MCM9: variants seen among roughly 807,000 people sequenced by gnomAD.
The protein encoded by MCM9 is DNA helicase MCM9.
Under a neutral mutation model 72.8 loss-of-function variants are expected in MCM9, and 55 were observed. The ratio of observed to expected loss-of-function variants is 0.76; its 90% CI spans 0.61 to 0.95. The LOEUF (loss-of-function observed/expected upper bound fraction) is 0.95, where lower values mean the gene tolerates loss of function less well. Ranked by LOEUF, MCM9 falls within the 40% of genes least tolerant of loss-of-function variation. The pLI is 0.00. For missense variants in MCM9, 1,279 were observed against 1,377.0 expected (o/e 0.93, Z 1.13); for synonymous variants, 480 against 503.4 (o/e 0.95, Z 0.62).
intron 10 of MCM9, among the ~76,000 whole-genome samples, chr6:118,828,586 T>C (rs1324127043): frequency 1.3e-5 from 2 of 152,052 alleles, no homozygotes; most frequent in African/African-American, 4.8e-5. Context: ...GGTTTCATCA[T>C]GCTGGCTAGG....
At chr6:118,826,407 G>A (rs570948423) in intron 12 of MCM9, 115 bp from the exon 13 acceptor site, 10 of 1,061,932 alleles carry the variant, frequency 9.4e-6, no homozygotes, top group Non-Finnish European at 1.3e-5. Flanking sequence ...CCCCTATACT[G>A]GGTATGAAAA....
chr6:118,912,288 G>C (rs1449868588), intron 7 of MCM9: 1 of 152,122 alleles, frequency 6.6e-6, no homozygotes, highest in Non-Finnish European at 1.5e-5. Context: ...AAGTATTAGG[G>C]ATTTTACAAG....
At chr6:118,884,062 G>A (rs1283515370) in intron 8 of MCM9, among the ~76,000 whole-genome samples, 1 of 152,152 alleles carries the variant, frequency 6.6e-6, no homozygotes, top group Non-Finnish European at 1.5e-5. Context: ...AAGAATGCAG[G>A]TGGAAAGAAA....
intron 8 of MCM9, among the ~76,000 whole-genome samples, chr6:118,874,146 T>A (rs1412356358): frequency 6.6e-6 from 1 of 152,056 alleles, no homozygotes; most frequent in East Asian, 1.9e-4. Context: ...TCCTAGCTAC[T>A]CAGGAGGCTG....
chr6:118,855,475 T>A (rs36197273), intron 9 of MCM9, among the ~76,000 whole-genome samples: 2 of 151,986 alleles, frequency 1.3e-5, no homozygotes, highest in East Asian at 1.9e-4. Context: ...GGTCTAATAG[T>A]TCTTTCTTGT....
At chr6:118,915,415 G>GA (rs1780858816) in intron 6 of MCM9, among the ~76,000 whole-genome samples, 1 of 152,152 alleles carries the variant, frequency 6.6e-6, no homozygotes, top group Non-Finnish European at 1.5e-5. Context: ...ATAAGTCAGT[G>GA]ACCCCCAAAG....
chr6:118,827,863 C>T, intron 11 of MCM9, 64 bp downstream of exon 11: 2 of 1,448,232 alleles, frequency 1.4e-6, no homozygotes. Flanking sequence ...TCCATGGTGC[C>T]AAGCCCCATG....
At chr6:118,933,435 G>A (rs903272458) in intron 1 of MCM9, among the ~76,000 whole-genome samples, 2 of 151,752 alleles carry the variant, frequency 1.3e-5, no homozygotes, top group Non-Finnish European at 2.9e-5. Flanking sequence ...GAACCCGGGA[G>A]GCGGAGCTTG....
At chr6:118,829,497 C>T (rs1441768827) in intron 9 of MCM9, among the ~76,000 whole-genome samples, 1 of 152,212 alleles carries the variant, frequency 6.6e-6, no homozygotes, top group Non-Finnish European at 1.5e-5. Context: ...GAGGAGACCC[C>T]TTTGCTAAGT....
At chr6:118,925,176 C>A (rs1583689615) in intron 3 of MCM9, among the ~76,000 whole-genome samples, 1 of 152,130 alleles carries the variant, frequency 6.6e-6, no homozygotes, top group Non-Finnish European at 1.5e-5. Flanking sequence ...GGCTACAATG[C>A]ACCATTGGGG....
intron 8 of MCM9, among the ~76,000 whole-genome samples, chr6:118,867,676 G>A (rs1360565994): frequency 2.0e-5 from 3 of 152,070 alleles, no homozygotes; most frequent in Non-Finnish European, 4.4e-5. Context: ...ATACCATGTA[G>A]ACTAGGTGTA....
At chr6:118,909,032 A>T (rs1416458549) in intron 8 of MCM9, 5 of 152,394 alleles carry the variant, frequency 3.3e-5, no homozygotes, top group Non-Finnish European at 7.3e-5. Flanking sequence ...AATATTGTCC[A>T]TTAACTAGTT....
At chr6:118,870,422 GT>G (rs36144679) in intron 8 of MCM9, among the ~76,000 whole-genome samples, 118,762 of 150,790 alleles carry the variant, frequency 0.79, 46,847 homozygotes, top group South Asian at 0.83. Context: ...AAATTAATGG[GT>G]TTTTTTTTTT....
At chr6:118,862,826 A>G (rs1192754822) in intron 8 of MCM9, among the ~76,000 whole-genome samples, 1 of 152,132 alleles carries the variant, frequency 6.6e-6, no homozygotes, top group African/African-American at 2.4e-5. Context: ...GCAAGCAAGA[A>G]GACAGTAAAG....
At chr6:118,888,012 T>A (rs1044588030) in intron 8 of MCM9, among the ~76,000 whole-genome samples, 2 of 152,098 alleles carry the variant, frequency 1.3e-5, no homozygotes, top group African/African-American at 4.8e-5. Flanking sequence ...ATAGGGCCAA[T>A]AAGCATATGA....
At chr6:118,911,267 C>T in intron 8 of MCM9, 1 of 990,338 alleles carries the variant, frequency 1.0e-6, no homozygotes, top group Non-Finnish European at 1.2e-6. Context: ...GATTTATGAG[C>T]ATGAAAATGC....
chr6:118,859,606 G>A (rs1386808417), intron 8 of MCM9, among the ~76,000 whole-genome samples: 1 of 152,138 alleles, frequency 6.6e-6, no homozygotes, highest in African/African-American at 2.4e-5. Flanking sequence ...ATTGCTAATG[G>A]CTCACAGTGG....
chr6:118,917,610 T>C lies in MCM9; in HGVS notation c.855A>G (p.Gln285=), dbSNP rs764167719. The change falls in exon 6 of 14, where the codon CAA becomes CAG. Residue 285 remains glutamine (Q), a synonymous_variant. Transcript: ENST00000619706. ...ATTCCCAAAAATCTTCGAATTCCTTTTGGACCTCCTCATCCATGATGATCC... is the reference window on the plus strand; with the variant it reads ...ATTCCCAAAAATCTTCGAATTCCTTCTGGACCTCCTCATCCATGATGATCC... ...SSGIIMDEEV[Q]KEFEDFWEYY... is the part of the protein sequence containing the mutation. 6.2e-7 allele frequency: 1 copy of C among 1,614,192 alleles called. No homozygotes were observed. The highest frequency in any genetic ancestry group is 2.2e-5 in the East Asian group (1 of 44,878).
intron 8 of MCM9, among the ~76,000 whole-genome samples, chr6:118,904,438 A>G (rs1163882089): frequency 6.6e-6 from 1 of 152,210 alleles, no homozygotes; most frequent in Non-Finnish European, 1.5e-5. Flanking sequence ...GGCAACAGGT[A>G]AGCTAATTTG....
Sources: allele counts gnomAD v4.1 joint callset (sites outside exome capture counted in the v4.1 genomes callset), GRCh38; gene constraint gnomAD v4.1.1; transcripts MANE v1.5; gene names NCBI Gene and HGNC (gene_info 2026-07-23, HGNC 2026-07-21).